C16orf87: variants seen among roughly 807,000 people sequenced by gnomAD.
The protein encoded by C16orf87 is UPF0547 protein C16orf87.
A neutral mutation model predicts 21.0 loss-of-function variants in C16orf87; 13 were observed. The observed-to-expected ratio is 0.62, with a 90% CI of 0.40 to 0.98. C16orf87 has a LOEUF of 0.98. Ranked by LOEUF, C16orf87 falls within the 50% of genes least tolerant of loss-of-function variation. C16orf87 has a pLI of 0.00. For missense variants in C16orf87, 113 were observed against 180.4 expected, an observed-to-expected ratio of 0.63 and a Z score of 2.14; for synonymous variants, 49 against 60.2, an observed-to-expected ratio of 0.81 and a Z score of 0.86.
At chr16:46,823,875 C>T (rs147583712) in intron 2 of C16orf87, among the ~76,000 whole-genome samples, 47 of 152,190 alleles carry the variant, frequency 3.1e-4, no homozygotes, top group African/African-American at 1.0e-3. Context: ...TCCATAAATA[C>T]GAACAGTAAC....
intron 3 of C16orf87, among the ~76,000 whole-genome samples, chr16:46,804,775 C>T (rs550131017): frequency 6.6e-6 from 1 of 152,286 alleles, no homozygotes; most frequent in African/African-American, 2.4e-5. Flanking sequence ...CTCTCTACAC[C>T]TACAAGCAAC....
intron 2 of C16orf87, among the ~76,000 whole-genome samples, chr16:46,811,361 G>A (rs922888005): frequency 2.0e-5 from 3 of 152,010 alleles, no homozygotes; most frequent in African/African-American, 7.3e-5. Flanking sequence ...AAATTAGCTG[G>A]GTGTGGTGGC....
intron 2 of C16orf87, among the ~76,000 whole-genome samples, chr16:46,820,646 T>G (rs1959381447): frequency 6.6e-6 from 1 of 152,230 alleles, no homozygotes; most frequent in Non-Finnish European, 1.5e-5. Context: ...TATAAAGTGT[T>G]GCCTTGAAAA....
chr16:46,830,880 G>A (rs1959831064), intron 1 of C16orf87: 1 of 374,564 alleles, frequency 2.7e-6, no homozygotes, highest in Non-Finnish European at 4.8e-6. Context: ...GCCGCCGCCA[G>A]GTGGACGCTG....
Position 46,830,216 on chromosome 16 carries a change from G to A in C16orf87, c.66+868C>T, listed in dbSNP as rs1959785607. Among the ~76,000 whole-genome samples the A allele has an allele frequency of 2.0e-5, 3 of 148,318 alleles. No individual in the cohort carries two copies. The South Asian group carries it at 6.5e-4, about 32-fold the overall frequency. On this transcript the variant is annotated intron_variant, in intron 1 of 3. Transcript: ENST00000285697. ...CATGAACTCAATGTAGAAAGGAATC[G>A]TTTCAAATTCAAGAAACGAGATAGA... is the stretch of plus-strand genomic sequence containing the variant.
intron 2 of C16orf87, among the ~76,000 whole-genome samples, chr16:46,817,932 A>AAAAAAAAC (rs1959256989): frequency 6.6e-6 from 1 of 150,802 alleles, no homozygotes; most frequent in South Asian, 2.1e-4. Context: ...AAAAAAAAAA[A>AAAAAAAAC]AAAAAAACCA....
At chr16:46,807,959 T>C (rs1967976710) in intron 3 of C16orf87, 2 of 450,258 alleles carry the variant, frequency 4.4e-6, no homozygotes, top group Non-Finnish European at 8.9e-6. Flanking sequence ...TCTCATCTTC[T>C]CTCACCCACC....
In C16orf87 at chr16:46,797,763, C is replaced by T. The variant is rs1183643332; in HGVS notation, c.*5189G>A. The T allele has an allele frequency of 1.3e-5, 2 of 152,050 alleles. No individual in the cohort carries two copies. Among genetic ancestry groups the T allele is most frequent in the East Asian group, 3.9e-4 (2 of 5,194 alleles). 9.4% of individuals were successfully genotyped at this position (152,050 alleles called of 1,614,324 possible). On this transcript the variant is annotated 3_prime_UTR_variant, in exon 4 of 4. Transcript: ENST00000285697. ...GGTAAAATATTGACTTCTAAGTGAACTGTAAAAAGTGAAGTATGTTTATAG... is the reference window on the plus strand; with the variant it reads ...GGTAAAATATTGACTTCTAAGTGAATTGTAAAAAGTGAAGTATGTTTATAG...
At chr16:46,811,821 GT>G in intron 2 of C16orf87, among the ~76,000 whole-genome samples, 1 of 152,300 alleles carries the variant, frequency 6.6e-6, no homozygotes, top group Non-Finnish European at 1.5e-5. Flanking sequence ...GCTCATGCTT[GT>G]AATCCAAAAG....
rs1389853168 is a variant in C16orf87 at position 46,801,746 on chromosome 16, C to T, written c.*1206G>A. ...ATGAAGTCTGAAATTGATAATGTTA[C>T]GGCTAAAATTGAAAGGGAGATTCTC... On this transcript the variant is annotated 3_prime_UTR_variant, in exon 4 of 4. Coordinates refer to ENST00000285697, the MANE Select transcript of C16orf87 (RefSeq NM_001001436.4). The T allele has an allele frequency of 2.6e-5, 4 of 151,986 alleles. No individual in the cohort carries two copies. Among genetic ancestry groups the T allele is most frequent in the East Asian group, 1.9e-4 (1 of 5,194 alleles). The allele number at this position is 151,986 out of a possible 1,614,324, so 9.4% of individuals were successfully genotyped here.
intron 2 of C16orf87, among the ~76,000 whole-genome samples, chr16:46,819,832 G>C (rs934058143): frequency 2.0e-5 from 3 of 151,664 alleles, no homozygotes; most frequent in Admixed American, 6.6e-5. Flanking sequence ...AAATTAGCCG[G>C]GTGTGGTGAC....
At chr16:46,815,712 A>C (rs140005967) in intron 2 of C16orf87, among the ~76,000 whole-genome samples, 1 of 152,200 alleles carries the variant, frequency 6.6e-6, no homozygotes, top group Non-Finnish European at 1.5e-5. Flanking sequence ...TACTCTTCAG[A>C]TTATTATAAA....
intron 2 of C16orf87, among the ~76,000 whole-genome samples, chr16:46,810,525 C>G (rs931516875): frequency 6.6e-6 from 1 of 152,010 alleles, no homozygotes; most frequent in African/African-American, 2.4e-5. Context: ...CACATACCTG[C>G]ACTCAAAAGC....
intron 1 of C16orf87, among the ~76,000 whole-genome samples, chr16:46,826,332 T>C (rs1277046000): frequency 9.9e-5 from 15 of 152,202 alleles, no homozygotes; most frequent in Admixed American, 9.8e-4. Flanking sequence ...AAAAAGTATT[T>C]ACAGAATAAT....
chr16:46,802,940 T>C lies in C16orf87; in HGVS notation c.*12A>G. The C allele has an allele frequency of 7.9e-7, 1 of 1,271,530 alleles. No individual in the cohort carries two copies. The highest frequency in any genetic ancestry group is 1.1e-6 in the Non-Finnish European group (1 of 873,236). 78.8% of individuals were successfully genotyped at this position (1,271,530 alleles called of 1,614,324 possible). A position where few individuals can be genotyped will look rare whatever the true frequency, so the allele number is the denominator to read the frequency against. ...TCCTGACAGAAGTTTCAGCAGATTT[T>C]GCAAACAAGTATCAGAGAATAAGTC... On this transcript the variant is annotated 3_prime_UTR_variant, in exon 4 of 4. Coordinates refer to ENST00000285697, the MANE Select transcript of C16orf87 (RefSeq NM_001001436.4).
intron 1 of C16orf87, among the ~76,000 whole-genome samples, chr16:46,827,133 G>A (rs1363879191): frequency 6.6e-6 from 1 of 152,150 alleles, no homozygotes; most frequent in Non-Finnish European, 1.5e-5. Flanking sequence ...TCATGTGCCT[G>A]AGTTAATTCA....
chr16:46,823,200 T>C (rs1959485904), intron 2 of C16orf87, among the ~76,000 whole-genome samples: 1 of 152,174 alleles, frequency 6.6e-6, no homozygotes. Flanking sequence ...CATAGGACTA[T>C]AAAGCATTTA....
intron 3 of C16orf87, chr16:46,807,988 T>C (rs763065078): frequency 1.3e-5 from 6 of 454,976 alleles, no homozygotes; most frequent in South Asian, 9.3e-5. Context: ...CATTCTCTTC[T>C]TTCAGCTGCA....
rs1329214875 is a variant in C16orf87, at chr16:46,799,333, T to C, written c.*3619A>G. 6.6e-6 allele frequency: 1 copy of C among 152,128 alleles called. No individual in the cohort carries two copies. The highest frequency in any genetic ancestry group is 1.5e-5 in the Non-Finnish European group (1 of 68,022). 9.4% of individuals were successfully genotyped at this position (152,128 alleles called of 1,614,324 possible). On this transcript the variant is annotated 3_prime_UTR_variant, in exon 4 of 4. Transcript: ENST00000285697. ...CTGAGAATAAAAATATATAAACATATATACATGTACTTCCAAATGTAAAAA... is the reference window on the plus strand; with the variant it reads ...CTGAGAATAAAAATATATAAACATACATACATGTACTTCCAAATGTAAAAA...
Sources: allele counts gnomAD v4.1 joint callset (sites outside exome capture counted in the v4.1 genomes callset), GRCh38; gene constraint gnomAD v4.1.1; transcripts MANE v1.5; gene names NCBI Gene and HGNC (gene_info 2026-07-23, HGNC 2026-07-21).